SASS6: variants seen among roughly 807,000 people sequenced by gnomAD.
SASS6 encodes the protein spindle assembly abnormal protein 6 homolog.
A neutral mutation model predicts 94.9 loss-of-function variants in SASS6; 59 were observed. That is an observed-to-expected ratio of 0.62 (90% confidence interval 0.50 to 0.77). SASS6 has a LOEUF of 0.77. Ranked by LOEUF, SASS6 falls within the 30% of genes least tolerant of loss-of-function variation. The pLI is 0.00. For synonymous variants in SASS6, 264 were observed against 270.0 expected, an observed-to-expected ratio of 0.98 and a Z score of 0.22; for missense variants, 698 against 734.1, an observed-to-expected ratio of 0.95 and a Z score of 0.57.
chr1:100,120,438 G>T lies in SASS6; in HGVS notation c.505C>A (p.Gln169Lys), dbSNP rs79266097. 5 of 1,475,602 alleles carry T rather than the reference G, an allele frequency of 3.4e-6. No homozygotes were observed. The highest frequency in any genetic ancestry group is 1.7e-5 in the Admixed American group (1 of 59,432). 91.4% of individuals were successfully genotyped at this position (1,475,602 alleles called of 1,614,324 possible). A position where few individuals can be genotyped will look rare whatever the true frequency, so the allele number is the denominator to read the frequency against. The part of the protein sequence containing the change: ...CSKEEKLSLM[Q>K]SLDDATKQLD... ...TGCTTAGTAGCATCATCTAGTGATT[G>T]CATCAATGATAATTTTTCTTCCTAT... is the stretch of plus-strand genomic sequence containing the variant. The change falls in exon 6 of 17, where the codon CAA becomes AAA. Residue 169 changes from glutamine to lysine, a missense_variant. Gln to Lys is a moderately conservative substitution (Grantham distance 53). Transcript: ENST00000287482.
At chr1:100,121,607 T>C (rs531440926) in intron 4 of SASS6, 58 bp from the exon 5 acceptor site, 3 of 958,678 alleles carry the variant, frequency 3.1e-6, no homozygotes, top group South Asian at 3.0e-5. Flanking sequence ...AATCTCTCAC[T>C]GAATCAGAAG....
At chr1:100,130,924 A>T (rs1654958887) in intron 1 of SASS6, among the ~76,000 whole-genome samples, 1 of 152,206 alleles carries the variant, frequency 6.6e-6, no homozygotes, top group Non-Finnish European at 1.5e-5. Context: ...GAAAACAGTG[A>T]GCCAACTGGC....
intron 15 of SASS6, 107 bp from the exon 16 acceptor site, chr1:100,085,737 ATAGCT>A: frequency 1.5e-6 from 1 of 664,946 alleles, no homozygotes; most frequent in Non-Finnish European, 2.5e-6. Context: ...AGTTCTATTT[ATAGCT>A]TAGCTTTGTT....
chr1:100,125,823 C>CA lies in SASS6; in HGVS notation c.126+58dup, dbSNP rs770095698. On this transcript the variant is annotated intron_variant, in intron 2 of 16. Transcript: ENST00000287482. ...TAAAAGATGTCACATTCTTAAAGAA[C>CA]AAAACTAATTGTCTACAATGTACCG... 22 of 881,488 alleles carry CA rather than the reference C, an allele frequency of 2.5e-5. No individual in the cohort carries two copies. In the East Asian group the frequency reaches 4.3e-4, roughly 17 times the overall value. 54.6% of individuals were successfully genotyped at this position (881,488 alleles called of 1,614,324 possible). A position where few individuals can be genotyped will look rare whatever the true frequency, so the allele number is the denominator to read the frequency against.
At chr1:100,122,934 T>C (rs1218982770) in intron 3 of SASS6, among the ~76,000 whole-genome samples, 1 of 149,946 alleles carries the variant, frequency 6.7e-6, no homozygotes, top group Non-Finnish European at 1.5e-5. Context: ...AGAACTAAGC[T>C]AAGGAACTCT....
intron 14 of SASS6, among the ~76,000 whole-genome samples, chr1:100,101,172 A>G (rs1652471783): frequency 6.6e-6 from 1 of 152,150 alleles, no homozygotes; most frequent in African/African-American, 2.4e-5. Flanking sequence ...GGCTTGATCA[A>G]CTTCAGGTTG....
At chr1:100,085,470 A>G in intron 16 of SASS6, 36 bp from the exon 17 acceptor site, 1 of 1,565,172 alleles carries the variant, frequency 6.4e-7, no homozygotes, top group Non-Finnish European at 8.8e-7. Flanking sequence ...ACTGGTATTC[A>G]TTAAGTCTTC....
At chr1:100,114,543 T>TAAAATA (rs554901781) in intron 7 of SASS6, among the ~76,000 whole-genome samples, 4 of 149,798 alleles carry the variant, frequency 2.7e-5, no homozygotes, top group African/African-American at 7.3e-5. Flanking sequence ...TAAATAAAAA[T>TAAAATA]AAAATAAAAA....
chr1:100,088,357 C>A, intron 14 of SASS6, 121 bp from the exon 15 acceptor site: 2 of 571,722 alleles, frequency 3.5e-6, no homozygotes, highest in Non-Finnish European at 3.2e-6. Flanking sequence ...GTGGCATAAT[C>A]ACGGTTCACT....
At chr1:100,086,290 T>G (rs535869086) in intron 15 of SASS6, among the ~76,000 whole-genome samples, 1 of 152,288 alleles carries the variant, frequency 6.6e-6, no homozygotes, top group East Asian at 1.9e-4. Flanking sequence ...GACCCAATTT[T>G]CAGAAATAAG....
At chr1:100,099,799 G>A (rs1416986787) in intron 14 of SASS6, among the ~76,000 whole-genome samples, 2 of 152,094 alleles carry the variant, frequency 1.3e-5, no homozygotes, top group Admixed American at 6.5e-5. Flanking sequence ...CATTGTGTAC[G>A]GCATTTCCAG....
chr1:100,094,704 TA>T (rs1651988999), intron 14 of SASS6, among the ~76,000 whole-genome samples: 1 of 151,520 alleles, frequency 6.6e-6, no homozygotes, highest in South Asian at 2.1e-4. Flanking sequence ...GTGTCTCTAT[TA>T]AAAATACAAA....
chr1:100,115,795 G>A (rs1333325760), intron 7 of SASS6, among the ~76,000 whole-genome samples: 1 of 152,020 alleles, frequency 6.6e-6, no homozygotes, highest in East Asian at 1.9e-4. Context: ...ACTCCAGCCT[G>A]GGCAACAGAG....
At chr1:100,104,267 G>GA (rs1449497178) in intron 13 of SASS6, among the ~76,000 whole-genome samples, 1 of 152,210 alleles carries the variant, frequency 6.6e-6, no homozygotes, top group Non-Finnish European at 1.5e-5. Flanking sequence ...GCATGATTAT[G>GA]AAACAGTCTT....
intron 2 of SASS6, among the ~76,000 whole-genome samples, chr1:100,124,530 G>C (rs984049144): frequency 2.0e-5 from 3 of 152,138 alleles, no homozygotes; most frequent in Non-Finnish European, 2.9e-5. Flanking sequence ...ACAGGAGTGT[G>C]CCACCACATT....
intron 7 of SASS6, among the ~76,000 whole-genome samples, chr1:100,113,924 G>A (rs1056352421): frequency 2.6e-5 from 4 of 152,062 alleles, no homozygotes; most frequent in African/African-American, 9.7e-5. Context: ...CTCTAGAGGA[G>A]CTGAGGCAGG....
intron 1 of SASS6, among the ~76,000 whole-genome samples, chr1:100,130,176 G>A (rs147780695): frequency 6.6e-6 from 1 of 152,290 alleles, no homozygotes; most frequent in East Asian, 1.9e-4. Flanking sequence ...CCTAATCTGT[G>A]CTATGGTGCC....
chr1:100,101,985 G>A (rs540226965), intron 14 of SASS6, among the ~76,000 whole-genome samples: 1 of 152,174 alleles, frequency 6.6e-6, no homozygotes, highest in Admixed American at 6.5e-5. Context: ...TTTCATAAAT[G>A]TTTATTTGTC....
intron 8 of SASS6, among the ~76,000 whole-genome samples, chr1:100,109,619 A>T (rs1379871750): frequency 6.6e-6 from 1 of 151,946 alleles, no homozygotes; most frequent in Admixed American, 6.6e-5. Context: ...AAAAAATAAA[A>T]ATTTCTCTGT....
Sources: gnomAD v4.1 joint callset for allele counts (sites outside exome capture counted in the v4.1 genomes callset) on GRCh38, gnomAD v4.1.1 for gene constraint, MANE v1.5 for transcripts, NCBI Gene and HGNC (gene_info 2026-07-23, HGNC 2026-07-21) for gene names.